Variants in ANKRD11 observed in about 807,000 individuals in gnomAD.
ANKRD11 encodes ankyrin repeat domain 11, also known as ankyrin repeat domain-containing protein 11.
Under a neutral mutation model 195.7 loss-of-function variants are expected in ANKRD11, and 17 were observed. The observed-to-expected ratio is 0.09, with a 90% confidence interval of 0.06 to 0.13. ANKRD11 has a LOEUF of 0.13. Among genes scored for constraint, ANKRD11 ranks in the 10% least tolerant of loss-of-function variants. The pLI is 1.00. For missense variants in ANKRD11, 3,735 were observed against 3,566.1 expected, an observed-to-expected ratio of 1.05 and a Z score of -1.21; for synonymous variants, 1,953 against 1,528.1, an observed-to-expected ratio of 1.28 and a Z score of -6.49.
At chr16:89,452,761 CAG>C (rs2044138901) in intron 1 of ANKRD11, among the ~76,000 whole-genome samples, 2 of 109,634 alleles carry the variant, frequency 1.8e-5, no homozygotes, top group African/African-American at 3.6e-5. Context: ...GCCTAGGCAA[CAG>C]AGAGAGACTC....
intron 3 of ANKRD11, chr16:89,313,498 T>A (rs1163896236): frequency 1.6e-6 from 2 of 1,289,062 alleles, no homozygotes; most frequent in African/African-American, 3.0e-5. Flanking sequence ...AGCCGTCAGG[T>A]CAGCGCGGCA....
At chr16:89,309,146 C>T (rs2036469121) in intron 3 of ANKRD11, among the ~76,000 whole-genome samples, 1 of 152,228 alleles carries the variant, frequency 6.6e-6, no homozygotes, top group African/African-American at 2.4e-5. Context: ...CAGGCCCACA[C>T]ACTGAGCCCT....
At chr16:89,298,023 G>C (rs1452662684) in intron 4 of ANKRD11, 1 of 152,208 alleles carries the variant, frequency 6.6e-6, no homozygotes, top group Non-Finnish European at 1.5e-5. Context: ...TCTCCAGGCC[G>C]GGGTGGGGTA....
chr16:89,317,587 T>C (rs2151921358), intron 2 of ANKRD11, among the ~76,000 whole-genome samples: 1 of 152,164 alleles, frequency 6.6e-6, no homozygotes, highest in East Asian at 1.9e-4. Flanking sequence ...CCTGTGCTTT[T>C]TGCACACCCA....
intron 1 of ANKRD11, among the ~76,000 whole-genome samples, chr16:89,456,640 G>A (rs1014167606): frequency 6.6e-6 from 1 of 151,706 alleles, no homozygotes; most frequent in Non-Finnish European, 1.5e-5. Flanking sequence ...TTATTCACAA[G>A]TAAACAGGAA....
intron 1 of ANKRD11, among the ~76,000 whole-genome samples, chr16:89,424,625 G>A (rs1054708226): frequency 1.7e-4 from 26 of 152,016 alleles, no homozygotes; most frequent in African/African-American, 5.8e-4. Context: ...TGAGCAAAAA[G>A]GCCAATCGAA....
chr16:89,421,049 G>T (rs1380797484), intron 1 of ANKRD11, among the ~76,000 whole-genome samples: 1 of 152,208 alleles, frequency 6.6e-6, no homozygotes, highest in Admixed American at 6.5e-5. Context: ...GAGACATGAA[G>T]GGTCAGTGTG....
chr16:89,414,821 C>G (rs2965934), intron 2 of ANKRD11, among the ~76,000 whole-genome samples: 85,125 of 152,166 alleles, frequency 0.56, 23,979 homozygotes, highest in Middle Eastern at 0.72. Context: ...GAGCACAGCA[C>G]CGTGTACTGA....
intron 1 of ANKRD11, among the ~76,000 whole-genome samples, chr16:89,484,953 A>G (rs901774545): frequency 1.3e-5 from 2 of 151,800 alleles, no homozygotes; most frequent in African/African-American, 4.8e-5. Flanking sequence ...CTCACCCTCC[A>G]CCAGCCACAA....
chr16:89,330,818 T>G (rs904620538), intron 2 of ANKRD11, among the ~76,000 whole-genome samples: 3 of 152,196 alleles, frequency 2.0e-5, no homozygotes, highest in African/African-American at 7.2e-5. Context: ...GGGAGGCAGA[T>G]CAAAGATTCT....
intron 1 of ANKRD11, among the ~76,000 whole-genome samples, chr16:89,461,071 T>C (rs1597479430): frequency 9.0e-6 from 1 of 110,634 alleles, no homozygotes; most frequent in African/African-American, 3.6e-5. Flanking sequence ...GCACCTTGAG[T>C]GGTGACATTC....
intron 2 of ANKRD11, among the ~76,000 whole-genome samples, chr16:89,382,789 C>T (rs755537776): frequency 2.0e-5 from 3 of 152,170 alleles, no homozygotes; most frequent in South Asian, 2.1e-4. Flanking sequence ...CTGAAATAAA[C>T]GTTTAACCAC....
intron 4 of ANKRD11, among the ~76,000 whole-genome samples, chr16:89,293,729 G>A (rs1246577079): frequency 6.6e-6 from 1 of 151,576 alleles, no homozygotes; most frequent in African/African-American, 2.4e-5. Flanking sequence ...GCAGAGGTGG[G>A]GCTGCGGAGG....
rs1397274682 is a variant in ANKRD11, at chr16:89,451,170, A to G, written c.-144-32802T>C. ...AGTTTGCCAATGCCTGGCCTATGTC[A>G]GAATTCTAACTACATCTCTACAGAC... On this transcript the variant is annotated intron_variant, in intron 1 of 12. Coordinates refer to ENST00000301030, the MANE Select transcript of ANKRD11 (RefSeq NM_013275.6). Among the ~76,000 whole-genome samples the G allele has an allele frequency of 7.2e-5, 11 of 152,346 alleles. No homozygotes were observed. The East Asian group carries it at 2.1e-3, about 29-fold the overall frequency.
chr16:89,348,342 C>A (rs1345690577), intron 2 of ANKRD11, among the ~76,000 whole-genome samples: 1 of 152,142 alleles, frequency 6.6e-6, no homozygotes, highest in Non-Finnish European at 1.5e-5. Context: ...CAAATTTGAA[C>A]TTCTGAGATA....
In ANKRD11 at chr16:89,390,816, G is replaced by A. The variant is rs557998085; in HGVS notation, c.-60+27468C>T. Among the ~76,000 whole-genome samples the A allele has an allele frequency of 2.8e-4, 43 of 152,304 alleles. 1 individual carries two copies. The highest frequency in any genetic ancestry group is 2.6e-3 in the Admixed American group (40 of 15,306). On this transcript the variant is annotated intron_variant, in intron 2 of 12. Coordinates refer to ENST00000301030, the MANE Select transcript of ANKRD11 (RefSeq NM_013275.6). Reference sequence around the variant, plus strand: ...GGGGAGGAGGTTCCTGGAGCTCTGCGCTGCTCCCCACATGCCCTGCCCTCC... The same window carrying A: ...GGGGAGGAGGTTCCTGGAGCTCTGCACTGCTCCCCACATGCCCTGCCCTCC...
chr16:89,422,824 C>G (rs1047615568), intron 1 of ANKRD11, among the ~76,000 whole-genome samples: 5 of 152,224 alleles, frequency 3.3e-5, no homozygotes, highest in African/African-American at 1.2e-4. Flanking sequence ...TCAGGAGACT[C>G]TGACTGACAC....
At chr16:89,447,635 C>A (rs1194514438) in intron 1 of ANKRD11, among the ~76,000 whole-genome samples, 2 of 152,178 alleles carry the variant, frequency 1.3e-5, no homozygotes, top group Non-Finnish European at 2.9e-5. Flanking sequence ...TCTCACTCCT[C>A]CTACACAGCC....
At chr16:89,408,372 A>T (rs373690750) in intron 2 of ANKRD11, among the ~76,000 whole-genome samples, 2 of 152,264 alleles carry the variant, frequency 1.3e-5, no homozygotes, top group Admixed American at 1.3e-4. Flanking sequence ...TGATGCACAG[A>T]AAGGCCAGCA....
Sources: allele counts gnomAD v4.1 joint callset (sites outside exome capture counted in the v4.1 genomes callset), GRCh38; gene constraint gnomAD v4.1.1; transcripts MANE v1.5; gene names NCBI Gene and HGNC (gene_info 2026-07-23, HGNC 2026-07-21).